Variants in SOX5 observed in about 807,000 individuals in gnomAD.
SOX5 encodes the protein SRY-box transcription factor 5, also known as transcription factor SOX-5.
Under a neutral mutation model 92.0 loss-of-function variants are expected in SOX5, and 9 were observed. The observed-to-expected ratio is 0.10, with a 90% CI of 0.06 to 0.17. SOX5 has a LOEUF of 0.17. Among genes scored for constraint, SOX5 ranks in the 10% least tolerant of loss-of-function variants. SOX5 has a pLI of 1.00. For synonymous variants in SOX5, 344 were observed against 336.3 expected, an observed-to-expected ratio of 1.02 and a Z score of -0.25; for missense variants, 642 against 944.5, an observed-to-expected ratio of 0.68 and a Z score of 4.20.
At chr12:23,714,595 C>T (rs553709741) in intron 6 of SOX5, among the ~76,000 whole-genome samples, 53 of 151,966 alleles carry the variant, frequency 3.5e-4, no homozygotes, top group Non-Finnish European at 6.6e-4. Flanking sequence ...TACTCCAGTG[C>T]GGGTGACAGA....
chr12:24,392,331 CACTTAAGATT>C (rs1296829693), intron 1 of SOX5, among the ~76,000 whole-genome samples: 4 of 152,156 alleles, frequency 2.6e-5, no homozygotes, highest in Non-Finnish European at 4.4e-5. Flanking sequence ...CTTCCCATCA[CACTTAAGATT>C]AAAATCCAAG....
intron 6 of SOX5, among the ~76,000 whole-genome samples, chr12:23,713,387 C>T (rs2092229400): frequency 6.6e-6 from 1 of 152,148 alleles, no homozygotes; most frequent in Non-Finnish European, 1.5e-5. Flanking sequence ...TAATTTATTA[C>T]AGCAGGCCTA....
intron 4 of SOX5, among the ~76,000 whole-genome samples, chr12:24,053,186 CCT>C (rs1569524853): frequency 1.5e-4 from 22 of 144,474 alleles, no homozygotes; most frequent in Non-Finnish European, 1.5e-4. Context: ...ACGCCCCCCC[CCT>C]TTTTTTTTTT....
At chr12:23,603,016 A>G (rs1202372704) in intron 9 of SOX5, among the ~76,000 whole-genome samples, 2 of 152,086 alleles carry the variant, frequency 1.3e-5, no homozygotes, top group Non-Finnish European at 2.9e-5. Context: ...TGTGTACAAT[A>G]ATTTTCATTA....
intron 4 of SOX5, among the ~76,000 whole-genome samples, chr12:24,040,501 T>C (rs535036406): frequency 1.3e-3 from 194 of 152,330 alleles, no homozygotes; most frequent in African/African-American, 4.4e-3. Flanking sequence ...TCTCTGACAA[T>C]TGAAAAATAG....
At chr12:23,580,413 C>T (rs1949881888) in intron 9 of SOX5, among the ~76,000 whole-genome samples, 1 of 151,928 alleles carries the variant, frequency 6.6e-6, no homozygotes, top group Non-Finnish European at 1.5e-5. Flanking sequence ...CTATTCTATA[C>T]ATTAAAAAGT....
chr12:24,126,243 T>G (rs559910668), intron 4 of SOX5, among the ~76,000 whole-genome samples: 1 of 152,132 alleles, frequency 6.6e-6, no homozygotes, highest in Non-Finnish European at 1.5e-5. Flanking sequence ...AAATCTATAT[T>G]TCTCCCTGTA....
chr12:23,692,886 G>T (rs1183715017), intron 6 of SOX5, among the ~76,000 whole-genome samples: 1 of 151,980 alleles, frequency 6.6e-6, no homozygotes, highest in Non-Finnish European at 1.5e-5. Flanking sequence ...TATCTTCCTG[G>T]GAAATTAAAT....
At chr12:23,561,529 T>C (rs867365661) in intron 11 of SOX5, among the ~76,000 whole-genome samples, 5 of 152,288 alleles carry the variant, frequency 3.3e-5, no homozygotes, top group South Asian at 2.1e-4. Flanking sequence ...TTACAAGCCG[T>C]CAGCGCAATT....
At chr12:24,560,853 G>A (rs1430583923) in intron 1 of SOX5, among the ~76,000 whole-genome samples, 1 of 152,170 alleles carries the variant, frequency 6.6e-6, no homozygotes, top group Non-Finnish European at 1.5e-5. Context: ...TGATGGAAAT[G>A]TCCATTGCCT....
chr12:24,098,476 C>G (rs1381756454), intron 4 of SOX5, among the ~76,000 whole-genome samples: 1 of 152,098 alleles, frequency 6.6e-6, no homozygotes, highest in Non-Finnish European at 1.5e-5. Flanking sequence ...TTTACCCGCC[C>G]TTGCCCAATA....
At chr12:24,088,268 A>G (rs985044638) in intron 4 of SOX5, among the ~76,000 whole-genome samples, 4 of 152,092 alleles carry the variant, frequency 2.6e-5, no homozygotes, top group African/African-American at 9.7e-5. Flanking sequence ...CATTTTGAAG[A>G]TAGGCTTTTC....
intron 1 of SOX5, among the ~76,000 whole-genome samples, chr12:24,474,719 A>G (rs1402507572): frequency 6.6e-6 from 1 of 151,818 alleles, no homozygotes; most frequent in African/African-American, 2.4e-5. Context: ...TATTTTTAGT[A>G]GAGACGGCGT....
In SOX5 at chr12:23,754,374, A is replaced by G. The variant is rs149229251; in HGVS notation, c.568+1264T>C. Among the ~76,000 whole-genome samples, 667 of 151,948 alleles carry G rather than the reference A, an allele frequency of 4.4e-3. 3 individuals are homozygous for G. Among genetic ancestry groups the G allele is most frequent in the African/African-American group, 0.015 (631 of 41,510 alleles). On this transcript the variant is annotated intron_variant, in intron 4 of 14. Coordinates refer to ENST00000451604, the MANE Select transcript of SOX5 (RefSeq NM_006940.6). Reference sequence around the variant, plus strand: ...GGTAAATGGGTTAAAATCCATCAAAATAATATCAAGGACCTGCCGCCTCTG... The same window carrying G: ...GGTAAATGGGTTAAAATCCATCAAAGTAATATCAAGGACCTGCCGCCTCTG...
At chr12:23,709,277 A>AT (rs1391248738) in intron 6 of SOX5, among the ~76,000 whole-genome samples, 3 of 151,634 alleles carry the variant, frequency 2.0e-5, no homozygotes, top group Non-Finnish European at 4.4e-5. Context: ...AATATTTTTA[A>AT]TTTTTTTGTG....
intron 4 of SOX5, among the ~76,000 whole-genome samples, chr12:24,186,613 T>C (rs1044877355): frequency 9.2e-5 from 14 of 152,206 alleles, no homozygotes; most frequent in African/African-American, 3.1e-4. Context: ...CTGGTACATA[T>C]AGAAGATACT....
intron 3 of SOX5, among the ~76,000 whole-genome samples, chr12:23,768,847 T>C (rs1438814648): frequency 6.6e-6 from 1 of 152,096 alleles, no homozygotes; most frequent in Non-Finnish European, 1.5e-5. Flanking sequence ...AAAACATACA[T>C]TTATGAGATT....
At chr12:24,461,596 A>G (rs1943638549) in intron 1 of SOX5, among the ~76,000 whole-genome samples, 2 of 152,208 alleles carry the variant, frequency 1.3e-5, no homozygotes, top group Non-Finnish European at 2.9e-5. Flanking sequence ...TACCATATAC[A>G]GGCCACATAT....
intron 2 of SOX5, among the ~76,000 whole-genome samples, chr12:24,322,401 G>GAAA (rs72509873): frequency 6.6e-6 from 1 of 151,798 alleles, no homozygotes; most frequent in African/African-American, 2.4e-5. Context: ...AAAAACTAAA[G>GAAA]ATAACAAAGT....
Sources: gnomAD v4.1 joint callset for allele counts (sites outside exome capture counted in the v4.1 genomes callset) on GRCh38, gnomAD v4.1.1 for gene constraint, MANE v1.5 for transcripts, NCBI Gene and HGNC (gene_info 2026-07-23, HGNC 2026-07-21) for gene names.